The following DDB1 variants were observed in gnomAD, a reference collection of about 807,000 sequenced individuals.
DDB1 encodes the protein DNA damage-binding protein 1.
DDB1 carries 18 observed loss-of-function variants against 133.1 expected under a neutral mutation model. That is an observed-to-expected ratio of 0.14 (90% CI 0.09 to 0.20). The LOEUF (loss-of-function observed/expected upper bound fraction) is 0.20. Ranked by LOEUF, DDB1 falls within the 10% of genes least tolerant of loss-of-function variation. The probability of loss-of-function intolerance (pLI) is 1.00; values close to 1 mark genes in which losing one functional copy is unlikely to be tolerated. For missense variants in DDB1, 828 were observed against 1,459.2 expected, an observed-to-expected ratio of 0.57 and a Z score of 7.05; for synonymous variants, 580 against 550.5, an observed-to-expected ratio of 1.05 and a Z score of -0.75.
At position 61,313,660 on chromosome 11, in the gene DDB1, G is replaced by A. The variant is rs766450036; in HGVS notation, c.1908C>T (p.Thr636=). The change falls in exon 16 of 27, where the codon ACC becomes ACT. Residue 636 remains threonine (T), a synonymous_variant. Transcript: ENST00000301764. ...AAAGAGAACGAAAAGTCCTCAATAC[G>A]GTGGGCTGGGTGCCCAAAGTCACCT... is the stretch of plus-strand genomic sequence containing the variant. ...RKKVTLGTQP[T]VLRTFRSLST... 3.5e-5 allele frequency: 57 copies of A among 1,613,738 alleles called. No homozygotes were observed. Among genetic ancestry groups the A allele is most frequent in the African/African-American group, 6.7e-5 (5 of 74,910 alleles).
At chr11:61,303,374 T>C (rs370230409) in intron 22 of DDB1, 6 of 493,656 alleles carry the variant, frequency 1.2e-5, no homozygotes, top group South Asian at 6.4e-5. Context: ...TAGTCAGAGT[T>C]TGAGTTGGGA....
At chr11:61,320,421 G>T (rs899321166) in intron 10 of DDB1, among the ~76,000 whole-genome samples, 2 of 151,804 alleles carry the variant, frequency 1.3e-5, no homozygotes, top group African/African-American at 4.8e-5. Context: ...GGCTGGTCTC[G>T]AACTCCTGGC....
Position 61,330,021 on chromosome 11 carries a change from G to C in DDB1, c.264C>G (p.Ile88Met), listed in dbSNP as rs139037061. The C allele has an allele frequency of 6.2e-7, 1 of 1,614,014 alleles. No homozygotes were observed. The highest frequency in any genetic ancestry group is 2.2e-5 in the East Asian group (1 of 44,862). Residue 88 changes from isoleucine (I) to methionine (M), a missense_variant, in exon 3 of 27, where the codon ATC becomes ATG. Ile to Met is a conservative substitution (Grantham distance 10). Around this residue, in one of 7 missense-constraint regions of DDB1, gnomAD observed 210 missense variants for 344.8 expected, o/e 0.61. Transcript: ENST00000301764. ...TCTCGCCACTCTGTTTATACTCCAG[G>C]ATGCAGGCATTGTACTTCGCTGTCA... ...FILTAKYNAC[I>M]LEYKQSGESI... is the part of the protein sequence containing the mutation.
chr11:61,332,865 C>G, intron 1 of DDB1, 43 bp downstream of exon 1: 1 of 1,439,288 alleles, frequency 6.9e-7, no homozygotes. Context: ...CGGCTCCCCC[C>G]AACTCCCTCA....
rs1855975037 is a variant in DDB1 at position 61,311,792 on chromosome 11, T to C, written c.2269A>G (p.Ser757Gly). ...GGTTALRPSA[S>G]TQALSSSVSS... is the part of the protein sequence containing the mutation. ...TTGTCCACTGCCCTTACCTGGGTGC[T>C]AGCGCTGGGCCTCAAGGCTGTCGTG... The change falls in exon 18 of 27, where the codon AGC becomes GGC. Residue 757 changes from serine (S) to glycine (G), a missense_variant. By Grantham distance (56) the Ser-to-Gly change is moderately conservative (BLOSUM62 0). This residue lies in a region of DDB1 where 396 missense variants were observed against 554.1 expected (regional missense o/e 0.71). Transcript: ENST00000301764. 1.2e-6 allele frequency: 2 copies of C among 1,612,562 alleles called. No homozygotes were observed. The highest frequency in any genetic ancestry group is 1.7e-6 in the Non-Finnish European group (2 of 1,179,584).
At chr11:61,311,294 AAC>A (rs1277260816) in intron 18 of DDB1, 1 of 150,632 alleles carries the variant, frequency 6.6e-6, no homozygotes, top group African/African-American at 2.6e-5. Context: ...AACATAACAT[AAC>A]ATAACATAAC....
intron 5 of DDB1, chr11:61,325,982 C>A: frequency 3.9e-6 from 2 of 509,576 alleles, no homozygotes; most frequent in Non-Finnish European, 7.1e-6. Context: ...CTTCCCCATG[C>A]ATTCTCCCCC....
chr11:61,303,368 C>CA, intron 22 of DDB1: 1 of 505,350 alleles, frequency 2.0e-6, no homozygotes, highest in Non-Finnish European at 3.6e-6. Flanking sequence ...GGAGCCTAGT[C>CA]AGAGTTTGAG....
At chr11:61,319,468 T>A (rs903484983) in intron 10 of DDB1, among the ~76,000 whole-genome samples, 4 of 152,008 alleles carry the variant, frequency 2.6e-5, no homozygotes, top group African/African-American at 9.7e-5. Flanking sequence ...AGTCTTGCTG[T>A]GACGCCAGGC....
chr11:61,325,722 AG>A lies in DDB1; in HGVS notation c.665-15del. The A allele has an allele frequency of 6.2e-7, 1 of 1,605,526 alleles. No individual in the cohort carries two copies. The highest frequency in any genetic ancestry group is 8.5e-7 in the Non-Finnish European group (1 of 1,174,020). ...AGGGCTCTGGGACTGCAGGAAAGAC[AG>A]CAAAATTAGAATGCTCAGCACTCTG... On this transcript the variant is annotated splice_polypyrimidine_tract_variant and intron_variant, in intron 5 of 26. Coordinates refer to ENST00000301764, the MANE Select transcript of DDB1 (RefSeq NM_001923.5).
intron 1 of DDB1, chr11:61,331,950 AT>A (rs930951802): frequency 4.7e-6 from 2 of 429,344 alleles, no homozygotes; most frequent in Non-Finnish European, 8.6e-6. Context: ...CCAAATGACA[AT>A]GACTGCGTAA....
chr11:61,326,397 C>T (rs914899007), intron 5 of DDB1, among the ~76,000 whole-genome samples: 4 of 151,900 alleles, frequency 2.6e-5, no homozygotes, highest in Non-Finnish European at 2.9e-5. Context: ...CTCAAGTGAA[C>T]CTCCCACCTC....
At chr11:61,310,176 C>A in intron 19 of DDB1, 119 bp downstream of exon 19, 1 of 1,460,808 alleles carries the variant, frequency 6.8e-7, no homozygotes, top group South Asian at 1.3e-5. Flanking sequence ...TCCCACCCCT[C>A]CTTTCTGCTC....
At chr11:61,308,861 C>A in intron 21 of DDB1, 122 bp downstream of exon 21, 2 of 947,184 alleles carry the variant, frequency 2.1e-6, no homozygotes, top group Non-Finnish European at 3.3e-6. Flanking sequence ...CTATCCTCCA[C>A]ACCCGCTACT....
At chr11:61,318,894 C>T (rs1476307577) in intron 10 of DDB1, among the ~76,000 whole-genome samples, 1 of 152,146 alleles carries the variant, frequency 6.6e-6, no homozygotes, top group Non-Finnish European at 1.5e-5. Context: ...CCCAAAAACA[C>T]CATTTATTAG....
In DDB1 at chr11:61,326,898, G is replaced by A. The variant is rs189560336; in HGVS notation, c.550-5C>T. ...TACGTGCCGCCCCTGAGGGTCCTGG[G>A]GGGGAAAGGTAAAATGGTTAGCCCT... On this transcript the variant is annotated splice_polypyrimidine_tract_variant and splice_region_variant and intron_variant, in intron 4 of 26. Coordinates refer to ENST00000301764, the MANE Select transcript of DDB1 (RefSeq NM_001923.5). 1.2e-5 allele frequency: 20 copies of A among 1,610,566 alleles called. No individual in the cohort carries two copies. Among genetic ancestry groups the A allele is most frequent in the Non-Finnish European group, 1.6e-5 (19 of 1,176,910 alleles).
chr11:61,310,017 A>G lies in DDB1; in HGVS notation c.2402-57T>C, dbSNP rs28720329. ...AGGTTACCCATATCTGCACGCACACATAACCCCGTATTTCTGAGGCCTGTG... is the reference window on the plus strand; with the variant it reads ...AGGTTACCCATATCTGCACGCACACGTAACCCCGTATTTCTGAGGCCTGTG... On this transcript the variant is annotated intron_variant, in intron 19 of 26. Transcript: ENST00000301764. 4,970 of 1,607,772 alleles carry G rather than the reference A, an allele frequency of 3.1e-3. 149 individuals carry two copies. In the African/African-American group the frequency reaches 0.057, roughly 18 times the overall value.
chr11:61,332,397 C>T (rs1269505507), intron 1 of DDB1: 1 of 153,342 alleles, frequency 6.5e-6, no homozygotes, highest in African/African-American at 2.4e-5. Flanking sequence ...AAACCAAACC[C>T]TCTTCTCCAG....
intron 4 of DDB1, 33 bp downstream of exon 4, chr11:61,329,328 TCA>T (rs768472139): frequency 7.5e-6 from 12 of 1,601,964 alleles, no homozygotes; most frequent in East Asian, 6.7e-5. Flanking sequence ...CACATCAACC[TCA>T]CAGTTTCTCG....
Sources: allele counts gnomAD v4.1 joint callset (sites outside exome capture counted in the v4.1 genomes callset), GRCh38; gene constraint gnomAD v4.1.1; regional missense constraint gnomAD v4.1.1; transcripts MANE v1.5; gene names NCBI Gene and HGNC (gene_info 2026-07-23, HGNC 2026-07-21).